ST6GALNAC3: variants seen among roughly 807,000 people sequenced by gnomAD.
ST6GALNAC3 encodes alpha-N-acetylgalactosaminide alpha-2,6-sialyltransferase 3.
In ST6GALNAC3, 25 loss-of-function variants were observed where a neutral mutation model predicts 32.7. That is an observed-to-expected ratio of 0.76 (90% CI 0.56 to 1.07). The LOEUF (loss-of-function observed/expected upper bound fraction) is 1.07. Among genes scored for constraint, ST6GALNAC3 ranks in the 50% least tolerant of loss-of-function variants. ST6GALNAC3 has a pLI of 0.00. For missense variants in ST6GALNAC3, 355 were observed against 382.4 expected (o/e 0.93, Z 0.60); for synonymous variants, 129 against 133.1 (o/e 0.97, Z 0.21).
intron 1 of ST6GALNAC3, among the ~76,000 whole-genome samples, chr1:76,080,521 G>C (rs142471693): frequency 3.4e-4 from 52 of 151,748 alleles, no homozygotes; most frequent in African/African-American, 1.2e-3. Context: ...GGGTTGGGGG[G>C]ATGGGGAGAT....
At chr1:76,320,778 G>T (rs1336941929) in intron 2 of ST6GALNAC3, among the ~76,000 whole-genome samples, 2 of 152,028 alleles carry the variant, frequency 1.3e-5, no homozygotes, top group African/African-American at 4.8e-5. Flanking sequence ...TTATGAATCA[G>T]TATATACAAG....
intron 1 of ST6GALNAC3, among the ~76,000 whole-genome samples, chr1:76,115,933 T>C (rs1234596221): frequency 6.6e-6 from 1 of 152,252 alleles, no homozygotes; most frequent in Non-Finnish European, 1.5e-5. Flanking sequence ...GAGCATTTAC[T>C]GTTGCAGGGC....
At chr1:76,263,455 C>T (rs1658358897) in intron 1 of ST6GALNAC3, among the ~76,000 whole-genome samples, 2 of 152,074 alleles carry the variant, frequency 1.3e-5, no homozygotes, top group Non-Finnish European at 2.9e-5. Context: ...TTTTTGTCAC[C>T]TCGTCTTTCC....
chr1:76,601,638 G>T (rs1647241391), intron 3 of ST6GALNAC3, among the ~76,000 whole-genome samples: 1 of 152,216 alleles, frequency 6.6e-6, no homozygotes, highest in African/African-American at 2.4e-5. Flanking sequence ...ACCTAATGAG[G>T]TAGGGATAAT....
At chr1:76,504,869 C>T (rs1231082523) in intron 3 of ST6GALNAC3, among the ~76,000 whole-genome samples, 1 of 152,112 alleles carries the variant, frequency 6.6e-6, no homozygotes. Context: ...GGATCACATG[C>T]ACTGTCATTT....
intron 3 of ST6GALNAC3, among the ~76,000 whole-genome samples, chr1:76,568,715 G>A (rs139504855): frequency 2.1e-4 from 32 of 152,214 alleles, no homozygotes; most frequent in African/African-American, 7.5e-4. Context: ...ATAGTGCTTC[G>A]TGTCCAGGTG....
At chr1:76,299,087 G>T (rs779954304) in intron 1 of ST6GALNAC3, among the ~76,000 whole-genome samples, 1 of 151,944 alleles carries the variant, frequency 6.6e-6, no homozygotes, top group Non-Finnish European at 1.5e-5. Flanking sequence ...AAGAATACAG[G>T]GCCACCTTCA....
intron 2 of ST6GALNAC3, among the ~76,000 whole-genome samples, chr1:76,397,561 A>G (rs1457739530): frequency 1.3e-5 from 2 of 151,116 alleles, no homozygotes; most frequent in South Asian, 2.1e-4. Context: ...TTTAGCAGAG[A>G]TGGGGTTTCA....
At chr1:76,109,272 C>T (rs2100797743) in intron 1 of ST6GALNAC3, among the ~76,000 whole-genome samples, 1 of 152,292 alleles carries the variant, frequency 6.6e-6, no homozygotes, top group African/African-American at 2.4e-5. Context: ...ACTCTCCCTA[C>T]TTCCTCCCCA....
At chr1:76,194,485 A>C (rs1654084479) in intron 1 of ST6GALNAC3, among the ~76,000 whole-genome samples, 1 of 150,050 alleles carries the variant, frequency 6.7e-6, no homozygotes, top group South Asian at 2.1e-4. Context: ...AATTTATTTC[A>C]AAGTAATAAT....
intron 3 of ST6GALNAC3, among the ~76,000 whole-genome samples, chr1:76,431,764 C>T (rs1055428816): frequency 1.3e-5 from 2 of 152,078 alleles, no homozygotes; most frequent in Non-Finnish European, 2.9e-5. Context: ...AACTGTCTCT[C>T]GCATTATTAA....
chr1:76,225,812 T>C (rs1167300510), intron 1 of ST6GALNAC3, among the ~76,000 whole-genome samples: 1 of 152,122 alleles, frequency 6.6e-6, no homozygotes, highest in Non-Finnish European at 1.5e-5. Flanking sequence ...GGATTTAAGA[T>C]TTGAAAAGAG....
chr1:76,168,711 C>T (rs1652285951), intron 1 of ST6GALNAC3, among the ~76,000 whole-genome samples: 1 of 152,152 alleles, frequency 6.6e-6, no homozygotes, highest in Admixed American at 6.5e-5. Flanking sequence ...AACCCTTTAT[C>T]ATATGTAATG....
intron 1 of ST6GALNAC3, among the ~76,000 whole-genome samples, chr1:76,169,668 C>A (rs1263756033): frequency 6.6e-6 from 1 of 152,126 alleles, no homozygotes; most frequent in Non-Finnish European, 1.5e-5. Context: ...CATTATTTTT[C>A]TCTATTCTTG....
At chr1:76,212,461 G>GT (rs1317938869) in intron 1 of ST6GALNAC3, among the ~76,000 whole-genome samples, 3 of 152,056 alleles carry the variant, frequency 2.0e-5, no homozygotes, top group South Asian at 2.1e-4. Context: ...GGCAGCTTCC[G>GT]TTTTTTTGAT....
intron 2 of ST6GALNAC3, among the ~76,000 whole-genome samples, chr1:76,349,852 C>CT (rs1648826828): frequency 1.3e-5 from 2 of 152,106 alleles, no homozygotes; most frequent in Admixed American, 1.3e-4. Flanking sequence ...TTTGCATCAC[C>CT]TTGAGGCAGT....
intron 3 of ST6GALNAC3, among the ~76,000 whole-genome samples, chr1:76,523,853 G>A (rs888661770): frequency 6.6e-6 from 1 of 152,068 alleles, no homozygotes; most frequent in Non-Finnish European, 1.5e-5. Context: ...CCTTGTAAAT[G>A]CCAAAATGTC....
Position 76,293,812 on chromosome 1 carries a change from C to T in ST6GALNAC3, c.19-19993C>T, listed in dbSNP as rs185842281. ...TCTAAATATAAAGCTTTAAAACAGG[C>T]TATATTGATGTTGCGAAAGAACTGG... On this transcript the variant is annotated intron_variant, in intron 1 of 4. Transcript: ENST00000328299. 5.3e-5 allele frequency among the ~76,000 whole-genome samples: 8 copies of T among 152,174 alleles called. No homozygotes were observed. In the East Asian group the frequency reaches 1.5e-3, roughly 29 times the overall value.
chr1:76,381,253 G>C (rs1423969749), intron 2 of ST6GALNAC3, among the ~76,000 whole-genome samples: 1 of 150,700 alleles, frequency 6.6e-6, no homozygotes, highest in Non-Finnish European at 1.5e-5. Flanking sequence ...AGGGCACCAG[G>C]AAAATCTAGC....
Sources: allele counts gnomAD v4.1 joint callset (sites outside exome capture counted in the v4.1 genomes callset), GRCh38; gene constraint gnomAD v4.1.1; transcripts MANE v1.5; gene names NCBI Gene and HGNC (gene_info 2026-07-23, HGNC 2026-07-21).